CDH12: variants seen among roughly 807,000 people sequenced by gnomAD.
The protein encoded by CDH12 is cadherin 12, also known as cadherin-12.
CDH12 carries 41 observed loss-of-function variants against 74.1 expected under a neutral mutation model. The ratio of observed to expected loss-of-function variants is 0.55; its 90% CI spans 0.43 to 0.72. CDH12 has a LOEUF of 0.72. CDH12 is among the 30% of genes least tolerant of loss of function. CDH12 has a pLI of 0.00. For synonymous variants in CDH12, 399 were observed against 355.0 expected (o/e 1.12, Z -1.39); for missense variants, 945 against 977.2 (o/e 0.97, Z 0.44).
chr5:22,665,321 A>T (rs776738042), intron 1 of CDH12, among the ~76,000 whole-genome samples: 4 of 152,202 alleles, frequency 2.6e-5, no homozygotes, highest in Non-Finnish European at 5.9e-5. Context: ...GCAATTTTCT[A>T]GCTGAAATTT....
intron 2 of CDH12, among the ~76,000 whole-genome samples, chr5:22,442,699 G>A (rs1276242610): frequency 6.6e-6 from 1 of 152,046 alleles, no homozygotes; most frequent in Non-Finnish European, 1.5e-5. Flanking sequence ...AGGATGATCT[G>A]AAGTAGGCAG....
chr5:22,748,674 C>T (rs1745410207), intron 1 of CDH12, among the ~76,000 whole-genome samples: 1 of 152,022 alleles, frequency 6.6e-6, no homozygotes, highest in Admixed American at 6.6e-5. Context: ...GTATCATATC[C>T]ACAGAAATGA....
At chr5:22,303,899 T>C (rs768544791) in intron 3 of CDH12, among the ~76,000 whole-genome samples, 4 of 152,136 alleles carry the variant, frequency 2.6e-5, no homozygotes, top group Admixed American at 6.5e-5. Flanking sequence ...CGCACCATGG[T>C]GATACCATAA....
chr5:22,157,523 C>A (rs1427052035), intron 4 of CDH12, among the ~76,000 whole-genome samples: 4 of 151,914 alleles, frequency 2.6e-5, no homozygotes, highest in Non-Finnish European at 5.9e-5. Flanking sequence ...AGATGGATAT[C>A]CAGATTCTTT....
chr5:22,333,936 T>C (rs1739455892), intron 3 of CDH12, among the ~76,000 whole-genome samples: 2 of 152,276 alleles, frequency 1.3e-5, no homozygotes, highest in Admixed American at 6.5e-5. Context: ...CATCCTGTAA[T>C]GACAAAAACC....
At chr5:22,236,794 C>T (rs558899348) in intron 3 of CDH12, among the ~76,000 whole-genome samples, 2 of 152,064 alleles carry the variant, frequency 1.3e-5, no homozygotes, top group Non-Finnish European at 2.9e-5. Flanking sequence ...TTAACCTAAA[C>T]CTTCACCAGA....
chr5:22,612,320 A>T (rs952893227), intron 1 of CDH12, among the ~76,000 whole-genome samples: 22 of 152,120 alleles, frequency 1.4e-4, no homozygotes, highest in East Asian at 5.8e-4. Flanking sequence ...ATGTGTATAC[A>T]TATCTGGGGA....
chr5:22,090,223 T>TA (rs541374802), intron 4 of CDH12, among the ~76,000 whole-genome samples: 156 of 151,760 alleles, frequency 1.0e-3, no homozygotes, highest in South Asian at 3.8e-3. Context: ...TTCTAACAAT[T>TA]AAAAAACGTA....
chr5:21,847,357 C>G (rs1410606166), intron 7 of CDH12, among the ~76,000 whole-genome samples: 1 of 152,080 alleles, frequency 6.6e-6, no homozygotes, highest in Non-Finnish European at 1.5e-5. Flanking sequence ...TTTCTGATTG[C>G]TTCTGTAACA....
chr5:22,308,898 GGAGAGAGAGGAGA>G (rs1738252506), intron 3 of CDH12, among the ~76,000 whole-genome samples: 2 of 35,014 alleles, frequency 5.7e-5, no homozygotes, highest in South Asian at 1.4e-3. Flanking sequence ...GAGAGAGAGA[GGAGAGAGAGGAGA>G]GAGAGAGAGG....
chr5:22,761,930 A>AC (rs1746249653), intron 1 of CDH12, among the ~76,000 whole-genome samples: 1 of 148,988 alleles, frequency 6.7e-6, no homozygotes, highest in East Asian at 2.0e-4. Flanking sequence ...TAATTTCTCA[A>AC]ACACACACAC....
intron 1 of CDH12, among the ~76,000 whole-genome samples, chr5:22,795,292 G>A (rs75931076): frequency 0.05 from 7,556 of 152,106 alleles, 318 homozygotes; most frequent in East Asian, 0.17. Flanking sequence ...ATGTTTTGTC[G>A]AAATGGTTCT....
chr5:22,073,607 T>C (rs1023839047), intron 5 of CDH12, among the ~76,000 whole-genome samples: 3 of 152,182 alleles, frequency 2.0e-5, no homozygotes, highest in Admixed American at 2.0e-4. Context: ...AACATACTTA[T>C]CTAGGTAATG....
At chr5:21,923,411 A>T (rs560588428) in intron 6 of CDH12, among the ~76,000 whole-genome samples, 10 of 152,122 alleles carry the variant, frequency 6.6e-5, no homozygotes, top group Non-Finnish European at 1.2e-4. Context: ...TTTTAATTAC[A>T]CTGACCTGAG....
At chr5:22,495,708 A>T (rs1404759217) in intron 2 of CDH12, among the ~76,000 whole-genome samples, 1 of 152,216 alleles carries the variant, frequency 6.6e-6, no homozygotes, top group African/African-American at 2.4e-5. Context: ...AAATTTAGAA[A>T]TATAAGAAAA....
At chr5:21,976,278 T>C (rs1324018514) in intron 5 of CDH12, among the ~76,000 whole-genome samples, 1 of 152,128 alleles carries the variant, frequency 6.6e-6, no homozygotes, top group Non-Finnish European at 1.5e-5. Context: ...CATTATGTTA[T>C]AGTATGGAAT....
At chr5:22,207,713 C>T (rs1291195206) in intron 4 of CDH12, among the ~76,000 whole-genome samples, 1 of 152,262 alleles carries the variant, frequency 6.6e-6, no homozygotes, top group East Asian at 1.9e-4. Context: ...GAAACATCCA[C>T]TTCATCTGTG....
intron 5 of CDH12, among the ~76,000 whole-genome samples, chr5:22,005,933 C>A (rs1287236685): frequency 3.3e-5 from 5 of 151,822 alleles, no homozygotes; most frequent in African/African-American, 9.7e-5. Context: ...ACCTTTGCAG[C>A]TTATAGGTCA....
chr5:22,199,331 G>T (rs1228870973), intron 4 of CDH12, among the ~76,000 whole-genome samples: 1 of 152,196 alleles, frequency 6.6e-6, no homozygotes, highest in African/African-American at 2.4e-5. Context: ...TCAGGAGTCT[G>T]TAAAAACTAG....
Sources: allele counts gnomAD v4.1 joint callset (sites outside exome capture counted in the v4.1 genomes callset), GRCh38; gene constraint gnomAD v4.1.1; transcripts MANE v1.5; gene names NCBI Gene and HGNC (gene_info 2026-07-23, HGNC 2026-07-21).